Variants in IMPA1 observed in about 807,000 individuals in gnomAD.
The protein encoded by IMPA1 is D-galactose 1-phosphate phosphatase.
IMPA1 carries 21 observed loss-of-function variants against 34.9 expected under a neutral mutation model. The observed-to-expected ratio is 0.60, with a 90% CI of 0.43 to 0.87. IMPA1 has a LOEUF of 0.87. IMPA1 is among the 40% of genes least tolerant of loss of function. IMPA1 has a pLI of 0.00. For missense variants in IMPA1, 299 were observed against 336.4 expected (o/e 0.89, Z 0.87); for synonymous variants, 95 against 104.4 (o/e 0.91, Z 0.55).
At chr8:81,685,048 TACTATACA>T (rs1807458609) in intron 1 of IMPA1, among the ~76,000 whole-genome samples, 1 of 135,368 alleles carries the variant, frequency 7.4e-6, no homozygotes, top group East Asian at 2.1e-4. Context: ...ATAGTATATA[TACTATACA>T]TAAGTATATT....
intron 7 of IMPA1, among the ~76,000 whole-genome samples, chr8:81,666,868 T>TC (rs568343495): frequency 2.3e-3 from 74 of 31,954 alleles, no homozygotes; most frequent in African/African-American, 9.3e-3. Context: ...AGACTCTGTC[T>TC]CAAAAAAAAA....
chr8:81,678,999 T>C lies in IMPA1; in HGVS notation c.302+127A>G, dbSNP rs147785265. 2.9e-3 allele frequency: 1,794 copies of C among 608,328 alleles called. 22 individuals are homozygous for C. The highest frequency in any genetic ancestry group is 0.023 in the African/African-American group (1,250 of 53,770). The allele number at this position is 608,328 out of a possible 1,614,324, so 37.7% of individuals were successfully genotyped here. ...CCACTTTTACATTTTATATATACTTTATTAGAATAAAGAAGCATAAACGAA... is the reference window on the plus strand; with the variant it reads ...CCACTTTTACATTTTATATATACTTCATTAGAATAAAGAAGCATAAACGAA... On this transcript the variant is annotated intron_variant, in intron 4 of 8. Coordinates refer to ENST00000256108, the MANE Select transcript of IMPA1 (RefSeq NM_005536.4).
intron 5 of IMPA1, chr8:81,674,246 T>C (rs144888429): frequency 1.8e-4 from 50 of 272,010 alleles, no homozygotes; most frequent in Non-Finnish European, 2.9e-4. Flanking sequence ...TCTCCGGTGT[T>C]AGGACTCCTA....
At chr8:81,661,345 C>T (rs2162546) in intron 7 of IMPA1, among the ~76,000 whole-genome samples, 19,189 of 152,206 alleles carry the variant, frequency 0.13, 2,067 homozygotes, top group East Asian at 0.57. Context: ...ATAATAAGTA[C>T]AATGGAAAAA....
intron 8 of IMPA1, among the ~76,000 whole-genome samples, chr8:81,660,175 A>G (rs1440028592): frequency 6.6e-6 from 1 of 152,174 alleles, no homozygotes; most frequent in Non-Finnish European, 1.5e-5. Context: ...AAAGTTTACA[A>G]AGTTGTGTTG....
intron 7 of IMPA1, among the ~76,000 whole-genome samples, chr8:81,665,939 C>T (rs1409489116): frequency 1.3e-5 from 2 of 152,138 alleles, no homozygotes; most frequent in South Asian, 4.1e-4. Context: ...ATGTGCCCTC[C>T]CCCAAGGAAT....
At chr8:81,660,117 G>A (rs1207706514) in intron 8 of IMPA1, among the ~76,000 whole-genome samples, 3 of 152,094 alleles carry the variant, frequency 2.0e-5, no homozygotes, top group African/African-American at 7.2e-5. Context: ...GACGGCTGAT[G>A]AGCTAAAAAA....
intron 3 of IMPA1, among the ~76,000 whole-genome samples, chr8:81,679,705 G>T (rs1807236761): frequency 6.6e-6 from 1 of 151,926 alleles, no homozygotes; most frequent in South Asian, 2.1e-4. Flanking sequence ...TAAATGTAAG[G>T]AAGCTTTAAT....
intron 4 of IMPA1, among the ~76,000 whole-genome samples, chr8:81,677,402 T>C (rs1807162578): frequency 6.6e-6 from 1 of 152,198 alleles, no homozygotes; most frequent in African/African-American, 2.4e-5. Context: ...GCCTGTGATG[T>C]TTTTTTCCTA....
intron 8 of IMPA1, among the ~76,000 whole-genome samples, chr8:81,659,759 G>A (rs1445112026): frequency 1.3e-5 from 2 of 152,180 alleles, no homozygotes; most frequent in Non-Finnish European, 2.9e-5. Flanking sequence ...GACAGAAAAT[G>A]TGAATCCAAT....
chr8:81,675,524 G>A (rs1807107197), intron 5 of IMPA1, among the ~76,000 whole-genome samples: 1 of 152,052 alleles, frequency 6.6e-6, no homozygotes, highest in South Asian at 2.1e-4. Context: ...AGCTTCTTCT[G>A]GACATTCTCA....
chr8:81,684,585 A>AGTATCTTTAGATACTTATGTGT (rs1563592565), intron 1 of IMPA1, among the ~76,000 whole-genome samples: 5 of 71,494 alleles, frequency 7.0e-5, no homozygotes, highest in African/African-American at 2.1e-4. Context: ...TACTACACAT[A>AGTATCTTTAGATACTTATGTGT]AGTATCTTTA....
intron 3 of IMPA1, among the ~76,000 whole-genome samples, chr8:81,680,124 GTC>G (rs1807251112): frequency 7.6e-6 from 1 of 132,204 alleles, no homozygotes. Flanking sequence ...GACAGAGCGT[GTC>G]TCCGTCTAAA....
At chr8:81,683,203 A>C (rs1807350960) in intron 1 of IMPA1, among the ~76,000 whole-genome samples, 1 of 152,190 alleles carries the variant, frequency 6.6e-6, no homozygotes, top group South Asian at 2.1e-4. Flanking sequence ...CAGGAGAGAT[A>C]AAGCTGGGGA....
At chr8:81,667,728 T>C (rs1290766497) in intron 7 of IMPA1, among the ~76,000 whole-genome samples, 1 of 146,544 alleles carries the variant, frequency 6.8e-6, no homozygotes, top group Non-Finnish European at 1.5e-5. Flanking sequence ...TGGTCTCAGA[T>C]AAAACTGAGG....
intron 8 of IMPA1, 88 bp from the exon 9 acceptor site, chr8:81,659,554 A>G (rs575990128): frequency 2.4e-5 from 17 of 713,562 alleles, no homozygotes; most frequent in Non-Finnish European, 4.1e-5. Flanking sequence ...CTATGGTCAC[A>G]TAACATTTTA....
intron 4 of IMPA1, 68 bp from the exon 5 acceptor site, chr8:81,676,347 T>C: frequency 1.3e-6 from 1 of 758,952 alleles, no homozygotes; most frequent in Non-Finnish European, 2.0e-6. Flanking sequence ...AAATTAATCT[T>C]TTCATAATAT....
intron 7 of IMPA1, among the ~76,000 whole-genome samples, chr8:81,664,624 G>A (rs1806768851): frequency 6.6e-6 from 1 of 152,096 alleles, no homozygotes; most frequent in Non-Finnish European, 1.5e-5. Flanking sequence ...ACCTGACCAG[G>A]CAGCCTCAGA....
rs976056405 is a variant in IMPA1, at chr8:81,658,361, A to G, written c.*990T>C. On this transcript the variant is annotated 3_prime_UTR_variant, in exon 9 of 9. Transcript: ENST00000256108. Reference sequence around the variant, plus strand: ...GCTGAACAGAATCCAGCGGCAATGAAGTTAATTAAATAAGAAGACTAAGAG... The same window carrying G: ...GCTGAACAGAATCCAGCGGCAATGAGGTTAATTAAATAAGAAGACTAAGAG... 2 of 152,230 alleles carry G rather than the reference A, an allele frequency of 1.3e-5. No individual in the cohort carries two copies. The highest frequency in any genetic ancestry group is 4.8e-5 in the African/African-American group (2 of 41,470). The allele number at this position is 152,230 out of a possible 1,614,324, so 9.4% of individuals were successfully genotyped here. A position where few individuals can be genotyped will look rare whatever the true frequency, so the allele number is the denominator to read the frequency against.
Sources: gnomAD v4.1 joint callset for allele counts (sites outside exome capture counted in the v4.1 genomes callset) on GRCh38, gnomAD v4.1.1 for gene constraint, MANE v1.5 for transcripts, NCBI Gene and HGNC (gene_info 2026-07-23, HGNC 2026-07-21) for gene names.